RIPPLY2: variants seen among roughly 807,000 people sequenced by gnomAD.
The protein encoded by RIPPLY2 is protein ripply2.
Under a neutral mutation model 17.7 loss-of-function variants are expected in RIPPLY2, and 20 were observed. The ratio of observed to expected loss-of-function variants is 1.13; its 90% confidence interval spans 0.79 to 1.64. The LOEUF (loss-of-function observed/expected upper bound fraction) is 1.64, where lower values mean the gene tolerates loss of function less well. Among genes scored for constraint, RIPPLY2 ranks in the 40% most tolerant of loss-of-function variants. The probability of loss-of-function intolerance (pLI) is 0.00; values close to 1 mark genes in which losing one functional copy is unlikely to be tolerated. For missense variants in RIPPLY2, 213 were observed against 169.8 expected (o/e 1.25, Z -1.41); for synonymous variants, 69 against 63.9 (o/e 1.08, Z -0.38).
In RIPPLY2 at chr6:83,857,492, T is replaced by G; in HGVS notation, c.*103T>G. ...AACTAATTTATTTGTATATAAATTA[T>G]TAATAAAATGAAATATTTTGTAATT... On this transcript the variant is annotated 3_prime_UTR_variant, in exon 4 of 4. Transcript: ENST00000369689. The G allele has an allele frequency of 1.6e-6, 1 of 609,036 alleles. No individual in the cohort carries two copies. The highest frequency in any genetic ancestry group is 2.4e-6 in the Non-Finnish European group (1 of 422,474). 37.7% of individuals were successfully genotyped at this position (609,036 alleles called of 1,614,324 possible).
At chr6:83,856,979 T>C (rs1356854604) in intron 3 of RIPPLY2, 3 of 194,706 alleles carry the variant, frequency 1.5e-5, no homozygotes, top group African/African-American at 2.3e-5. Flanking sequence ...ATTGATCTTA[T>C]GCATATCCAG....
At chr6:83,854,455 G>GT in intron 3 of RIPPLY2, 1 of 443,928 alleles carries the variant, frequency 2.3e-6, no homozygotes, top group Admixed American at 3.5e-5. Context: ...TGGCAAAACA[G>GT]TTTTTATTTT....
chr6:83,857,124 G>A (rs2099455106), intron 3 of RIPPLY2, 118 bp from the exon 4 acceptor site: 1 of 579,172 alleles, frequency 1.7e-6, no homozygotes. Flanking sequence ...GTATCTTAAG[G>A]CTATATCCAA....
chr6:83,853,259 T>G (rs1006071990), upstream of RIPPLY2: 3 of 612,118 alleles, frequency 4.9e-6, no homozygotes, highest in Admixed American at 1.1e-4. Context: ...GCAGCCTTTT[T>G]GTTTATGCGG....
At chr6:83,854,209 G>A (rs2099454640) in intron 3 of RIPPLY2, 48 bp downstream of exon 3, 1 of 1,481,738 alleles carries the variant, frequency 6.7e-7, no homozygotes, top group African/African-American at 1.4e-5. Context: ...CAGCCCCAGG[G>A]AGGAGCCAGG....
intron 2 of RIPPLY2, 50 bp from the exon 3 acceptor site, chr6:83,854,047 T>A: frequency 1.3e-6 from 2 of 1,542,332 alleles, no homozygotes; most frequent in Non-Finnish European, 1.8e-6. Context: ...ACGTTTCCAC[T>A]TTCTAGAAGG....
chr6:83,853,623 T>C, intron 1 of RIPPLY2, 72 bp from the exon 2 acceptor site: 1 of 1,565,818 alleles, frequency 6.4e-7, no homozygotes. Flanking sequence ...GTGCCAGCGC[T>C]CGGCTTCGGT....
rs2099455170 is a variant in RIPPLY2 at position 83,857,469 on chromosome 6, C to G, written c.*80C>G. The G allele has an allele frequency of 4.7e-6, 4 of 854,026 alleles. No individual in the cohort carries two copies. The South Asian group carries it at 8.8e-5, about 19-fold the overall frequency. 52.9% of individuals were successfully genotyped at this position (854,026 alleles called of 1,614,324 possible). On this transcript the variant is annotated 3_prime_UTR_variant, in exon 4 of 4. Coordinates refer to ENST00000369689, the MANE Select transcript of RIPPLY2 (RefSeq NM_001009994.3). ...ACAAATGTATCATAATTATTTTAAA[C>G]TAATTTATTTGTATATAAATTATTA...
intron 3 of RIPPLY2, chr6:83,857,013 C>T (rs2099455089): frequency 4.1e-6 from 1 of 244,314 alleles, no homozygotes; most frequent in Non-Finnish European, 7.8e-6. Context: ...TTTGTTTGAT[C>T]CAATTTACAG....
intron 3 of RIPPLY2, 46 bp downstream of exon 3, chr6:83,854,207 G>GGCTCCTCCCTGGGGCT: frequency 6.7e-7 from 1 of 1,497,116 alleles, no homozygotes; most frequent in Non-Finnish European, 9.3e-7. Context: ...TCCAGCCCCA[G>GGCTCCTCCCTGGGGCT]GGAGGAGCCA....
At chr6:83,853,258 T>G, upstream of RIPPLY2, 1 of 608,494 alleles carries the variant, frequency 1.6e-6, no homozygotes, top group Non-Finnish European at 2.8e-6. Flanking sequence ...CGCAGCCTTT[T>G]TGTTTATGCG....
rs2099454556 is a variant in RIPPLY2 at position 83,853,690 on chromosome 6, C to T, written c.96-5C>T. Reference sequence around the variant, plus strand: ...CTGCGCGCCTTGTGCTCCCCTATCCCGCAGATACGCAGGCTTCTGGAGACC... The same window carrying T: ...CTGCGCGCCTTGTGCTCCCCTATCCTGCAGATACGCAGGCTTCTGGAGACC... On this transcript the variant is annotated splice_region_variant and splice_polypyrimidine_tract_variant and intron_variant, in intron 1 of 3. Coordinates refer to ENST00000369689, the MANE Select transcript of RIPPLY2 (RefSeq NM_001009994.3). 6.2e-7 allele frequency: 1 copy of T among 1,613,302 alleles called. No individual in the cohort carries two copies. Among genetic ancestry groups the T allele is most frequent in the South Asian group, 1.1e-5 (1 of 90,938 alleles).
At chr6:83,854,004 T>C in intron 2 of RIPPLY2, 93 bp from the exon 3 acceptor site, 1 of 1,290,374 alleles carries the variant, frequency 7.7e-7, no homozygotes, top group East Asian at 2.3e-5. Flanking sequence ...TGGGGTTACA[T>C]TCCCAGCGGG....
chr6:83,853,491 G>C lies in RIPPLY2; in HGVS notation c.75G>C (p.Arg25=), dbSNP rs1426596059. Residue 25 remains arginine, a synonymous_variant, in exon 1 of 4, where the codon CGG becomes CGC. Transcript: ENST00000369689. The part of the protein sequence containing the change: ...AACAATDGPT[R]RAGADSGYAG... ...GCGCGGCCACCGACGGCCCTACGCG[G>C]CGCGCGGGCGCGGACTCCGGGTAGG... is the stretch of plus-strand genomic sequence containing the variant. 1 of 1,538,814 alleles carries C rather than the reference G, an allele frequency of 6.5e-7. No individual in the cohort carries two copies. Among genetic ancestry groups the C allele is most frequent in the East Asian group, 2.5e-5 (1 of 40,810 alleles).
At chr6:83,853,614 T>C in intron 1 of RIPPLY2, 81 bp from the exon 2 acceptor site, 2 of 1,558,170 alleles carry the variant, frequency 1.3e-6, no homozygotes, top group Non-Finnish European at 1.7e-6. Flanking sequence ...CACTGCCCGG[T>C]GCCAGCGCTC....
rs748943787 is a variant in RIPPLY2 at position 83,853,680 on chromosome 6, T to C, written c.96-15T>C. On this transcript the variant is annotated splice_polypyrimidine_tract_variant and intron_variant, in intron 1 of 3. Coordinates refer to ENST00000369689, the MANE Select transcript of RIPPLY2 (RefSeq NM_001009994.3). ...CACGTCTCCTCTGCGCGCCTTGTGCTCCCCTATCCCGCAGATACGCAGGCT... is the reference window on the plus strand; with the variant it reads ...CACGTCTCCTCTGCGCGCCTTGTGCCCCCCTATCCCGCAGATACGCAGGCT... 12 of 1,610,936 alleles carry C rather than the reference T, an allele frequency of 7.4e-6. No individual in the cohort carries two copies. Among genetic ancestry groups the C allele is most frequent in the Non-Finnish European group, 9.3e-6 (11 of 1,178,630 alleles).
At chr6:83,854,057 G>A in intron 2 of RIPPLY2, 40 bp from the exon 3 acceptor site, 1 of 1,562,996 alleles carries the variant, frequency 6.4e-7, no homozygotes, top group Non-Finnish European at 8.8e-7. Context: ...TTTCTAGAAG[G>A]AGGTGGGTGA....
At chr6:83,853,905 G>A (rs2099454592) in intron 2 of RIPPLY2, 132 bp downstream of exon 2, 2 of 1,030,208 alleles carry the variant, frequency 1.9e-6, no homozygotes, top group Non-Finnish European at 1.4e-6. Context: ...CCCGCCTGCC[G>A]GTGGCCATAA....
intron 2 of RIPPLY2, 98 bp downstream of exon 2, chr6:83,853,871 C>T (rs1321005235): frequency 1.8e-6 from 2 of 1,141,574 alleles, no homozygotes; most frequent in South Asian, 2.8e-5. Context: ...TGCGAGACAC[C>T]GGGTCCTGCC....
Sources: allele counts gnomAD v4.1 joint callset, GRCh38; gene constraint gnomAD v4.1.1; transcripts MANE v1.5; gene names NCBI Gene and HGNC (gene_info 2026-07-23, HGNC 2026-07-21).